The following SUSD6 variants were observed in gnomAD, a reference collection of about 807,000 sequenced individuals.
SUSD6 encodes the protein sushi domain containing 6, also known as sushi domain-containing protein 6.
In SUSD6, 16 loss-of-function variants were observed where a neutral mutation model predicts 28.4. The ratio of observed to expected loss-of-function variants is 0.56; its 90% CI spans 0.38 to 0.86. The LOEUF (loss-of-function observed/expected upper bound fraction) is 0.86, where lower values mean the gene tolerates loss of function less well. Among genes scored for constraint, SUSD6 ranks in the 40% least tolerant of loss-of-function variants. SUSD6 has a pLI of 0.00. For synonymous variants in SUSD6, 147 were observed against 159.6 expected, an observed-to-expected ratio of 0.92 and a Z score of 0.59; for missense variants, 341 against 384.2, an observed-to-expected ratio of 0.89 and a Z score of 0.94.
At chr14:69,639,583 G>A (rs1194911771) in intron 1 of SUSD6, among the ~76,000 whole-genome samples, 1 of 152,142 alleles carries the variant, frequency 6.6e-6, no homozygotes, top group Non-Finnish European at 1.5e-5. Flanking sequence ...GGACATGCTG[G>A]TTGGACAAAA....
chr14:69,704,967 A>C lies in SUSD6; in HGVS notation c.458+225A>C, dbSNP rs191733647. 5.9e-5 allele frequency among the ~76,000 whole-genome samples: 9 copies of C among 152,286 alleles called. No homozygotes were observed. The East Asian group carries it at 1.7e-3, about 29-fold the overall frequency. The stretch of plus-strand genomic sequence containing the variant: ...CTCATAGGAACATTGCAGATGAGGA[A>C]ATTGAGGCTCAGAGAGGTTATTCAC... On this transcript the variant is annotated intron_variant, in intron 4 of 5. Transcript: ENST00000342745.
intron 1 of SUSD6, among the ~76,000 whole-genome samples, chr14:69,634,656 C>T (rs148333638): frequency 0.014 from 2,191 of 152,316 alleles, 44 homozygotes; most frequent in Middle Eastern, 0.017. Flanking sequence ...TACTGGAATT[C>T]TAGGTAGGAA....
At chr14:69,696,754 T>A (rs1728204664) in intron 2 of SUSD6, among the ~76,000 whole-genome samples, 1 of 152,186 alleles carries the variant, frequency 6.6e-6, no homozygotes, top group Admixed American at 6.5e-5. Flanking sequence ...ATGTGGTGAC[T>A]GAGAACTTGA....
intron 2 of SUSD6, among the ~76,000 whole-genome samples, chr14:69,694,955 G>A (rs1886203871): frequency 6.6e-6 from 1 of 152,138 alleles, no homozygotes; most frequent in African/African-American, 2.4e-5. Flanking sequence ...AGCCATGGGT[G>A]GTTTCTCCCT....
Position 69,704,605 on chromosome 14 carries a change from TAA to T in SUSD6, c.323_324del (p.Lys108ArgfsTer44). The T allele has an allele frequency of 6.2e-7, 1 of 1,611,310 alleles. No individual in the cohort carries two copies. The highest frequency in any genetic ancestry group is 8.5e-7 in the Non-Finnish European group (1 of 1,179,036). On this transcript the variant is annotated frameshift_variant and splice_region_variant, in exon 4 of 6. Coordinates refer to ENST00000342745, the MANE Select transcript of SUSD6 (RefSeq NM_014734.4). LOFTEE classifies it high-confidence loss of function. Reference sequence around the variant, plus strand: ...TCTGATGATGGCTTGTTTTTATAGATAAAGACACCCACACATCACTTGGGGTC... The same window carrying T: ...TCTGATGATGGCTTGTTTTTATAGATAGACACCCACACATCACTTGGGGTC... ...MEISCRLNEDKDTHTSLGVPT... is the reference protein window; with the variant it reads ...MEISCRLNEDXDTHTSLGVPT...
At chr14:69,672,976 C>G (rs1275437124) in intron 2 of SUSD6, among the ~76,000 whole-genome samples, 1 of 152,220 alleles carries the variant, frequency 6.6e-6, no homozygotes, top group African/African-American at 2.4e-5. Context: ...TGCCTCTGGT[C>G]AAGGCTTAAA....
At chr14:69,683,407 A>G in intron 2 of SUSD6, among the ~76,000 whole-genome samples, 1 of 152,246 alleles carries the variant, frequency 6.6e-6, no homozygotes, top group Non-Finnish European at 1.5e-5. Context: ...ATGGTGAACA[A>G]AATGGTATTT....
At chr14:69,642,563 T>A (rs1885367980) in intron 1 of SUSD6, among the ~76,000 whole-genome samples, 1 of 152,106 alleles carries the variant, frequency 6.6e-6, no homozygotes. Context: ...AAACCCCTGA[T>A]AAACCCATCA....
intron 2 of SUSD6, among the ~76,000 whole-genome samples, chr14:69,671,736 T>C (rs1885836035): frequency 6.6e-6 from 1 of 152,144 alleles, no homozygotes; most frequent in Admixed American, 6.5e-5. Flanking sequence ...TTTGATGTGT[T>C]CAGGGGTGCA....
intron 2 of SUSD6, among the ~76,000 whole-genome samples, chr14:69,663,651 GT>G (rs1354118504): frequency 6.6e-6 from 1 of 152,204 alleles, no homozygotes; most frequent in Non-Finnish European, 1.5e-5. Flanking sequence ...CTAGGCAGTT[GT>G]GCAACCATTT....
chr14:69,612,376 CA>C (rs1389558411), intron 1 of SUSD6, among the ~76,000 whole-genome samples: 2 of 152,204 alleles, frequency 1.3e-5, no homozygotes, highest in East Asian at 3.8e-4. Context: ...TCTTTAATCT[CA>C]AAAACTTCTC....
At chr14:69,695,494 G>T (rs1202397305) in intron 2 of SUSD6, among the ~76,000 whole-genome samples, 1 of 152,186 alleles carries the variant, frequency 6.6e-6, no homozygotes, top group Non-Finnish European at 1.5e-5. Context: ...GAGGTGATCT[G>T]GTTCATTGCC....
At chr14:69,683,463 G>A (rs1187381143) in intron 2 of SUSD6, among the ~76,000 whole-genome samples, 1 of 152,138 alleles carries the variant, frequency 6.6e-6, no homozygotes, top group Admixed American at 6.6e-5. Flanking sequence ...TAGAGAGGAA[G>A]GATATTCCTG....
chr14:69,638,421 G>GGGGTGTGTGTGTGT (rs1885296587), intron 1 of SUSD6, among the ~76,000 whole-genome samples: 1 of 55,614 alleles, frequency 1.8e-5, no homozygotes, highest in African/African-American at 5.6e-5. Context: ...GGTGGGGTGG[G>GGGGTGTGTGTGTGT]GAGTGTGTGT....
At chr14:69,650,061 A>G (rs1043307240) in intron 1 of SUSD6, among the ~76,000 whole-genome samples, 4 of 152,186 alleles carry the variant, frequency 2.6e-5, no homozygotes, top group African/African-American at 9.7e-5. Flanking sequence ...GGTAGTGCTA[A>G]GTGCTTTAAA....
chr14:69,686,268 G>A (rs1035844154), intron 2 of SUSD6, among the ~76,000 whole-genome samples: 1 of 152,190 alleles, frequency 6.6e-6, no homozygotes, highest in Non-Finnish European at 1.5e-5. Context: ...TGTTGTCCAA[G>A]ATTGTCTCTA....
chr14:69,705,091 G>A (rs1027976704), intron 4 of SUSD6, among the ~76,000 whole-genome samples: 5 of 152,010 alleles, frequency 3.3e-5, no homozygotes, highest in African/African-American at 9.7e-5. Context: ...TGAGGTGGGC[G>A]GATTGCCTGA....
chr14:69,710,987 G>T lies in SUSD6; in HGVS notation c.*8G>T. 2 of 1,613,856 alleles carry T rather than the reference G, an allele frequency of 1.2e-6. No homozygotes were observed. Among genetic ancestry groups the T allele is most frequent in the Non-Finnish European group, 1.7e-6 (2 of 1,179,836 alleles). On this transcript the variant is annotated 3_prime_UTR_variant, in exon 6 of 6. Transcript: ENST00000342745. ...CTGTTGAAAGAAGCATGAGGGCAGC[G>T]GCCAGCCTTTCCTCTCTGCGAGGTT...
chr14:69,656,928 C>T (rs1230955962), intron 1 of SUSD6, among the ~76,000 whole-genome samples: 1 of 152,226 alleles, frequency 6.6e-6, no homozygotes, highest in East Asian at 1.9e-4. Flanking sequence ...CATCCCTGTT[C>T]TACAGTTTTA....
Sources: gnomAD v4.1 joint callset for allele counts (sites outside exome capture counted in the v4.1 genomes callset) on GRCh38, gnomAD v4.1.1 for gene constraint, MANE v1.5 for transcripts, NCBI Gene and HGNC (gene_info 2026-07-23, HGNC 2026-07-21) for gene names.